Variants in CSTF3 observed in about 807,000 individuals in gnomAD.
The protein encoded by CSTF3 is cleavage stimulation factor subunit 3.
In CSTF3, 29 loss-of-function variants were observed where a neutral mutation model predicts 105.8. The observed-to-expected ratio is 0.27, with a 90% confidence interval of 0.20 to 0.37. The LOEUF is 0.37. Ranked by LOEUF, CSTF3 falls within the 10% of genes least tolerant of loss-of-function variation. The pLI is 1.00. For synonymous variants in CSTF3, 252 were observed against 281.9 expected, an observed-to-expected ratio of 0.89 and a Z score of 1.06; for missense variants, 357 against 879.3, an observed-to-expected ratio of 0.41 and a Z score of 7.51.
chr11:33,128,277 T>C (rs1015101579), intron 3 of CSTF3, among the ~76,000 whole-genome samples: 4 of 152,168 alleles, frequency 2.6e-5, no homozygotes, highest in African/African-American at 9.7e-5. Flanking sequence ...TCAATCGCTA[T>C]GAAGACTATT....
chr11:33,155,505 T>G (rs879390664), intron 1 of CSTF3, among the ~76,000 whole-genome samples: 31 of 152,104 alleles, frequency 2.0e-4, no homozygotes, highest in Non-Finnish European at 3.4e-4. Context: ...AAATATAAAT[T>G]AAAATCTTAA....
chr11:33,125,022 T>G (rs1445512437), intron 3 of CSTF3, among the ~76,000 whole-genome samples: 4 of 152,218 alleles, frequency 2.6e-5, no homozygotes, highest in Non-Finnish European at 5.9e-5. Flanking sequence ...CTGCTTGGGA[T>G]TCAATGAGCA....
chr11:33,148,344 T>C (rs112578681), intron 1 of CSTF3, among the ~76,000 whole-genome samples: 1 of 152,172 alleles, frequency 6.6e-6, no homozygotes, highest in African/African-American at 2.4e-5. Flanking sequence ...GGAATGTACA[T>C]ACTATCAATA....
chr11:33,154,292 CTA>C (rs1044192343), intron 1 of CSTF3, among the ~76,000 whole-genome samples: 1 of 152,116 alleles, frequency 6.6e-6, no homozygotes, highest in African/African-American at 2.4e-5. Context: ...ACCACCTCAT[CTA>C]TCTGTTCCAC....
chr11:33,116,158 A>C (rs1309699958), intron 3 of CSTF3, among the ~76,000 whole-genome samples: 1 of 152,182 alleles, frequency 6.6e-6, no homozygotes, highest in Non-Finnish European at 1.5e-5. Context: ...GTCTAGATTA[A>C]ATTTAGTTTC....
chr11:33,090,052 G>C (rs958635151), intron 17 of CSTF3, among the ~76,000 whole-genome samples: 1 of 152,164 alleles, frequency 6.6e-6, no homozygotes, highest in African/African-American at 2.4e-5. Context: ...ACTGTTTTAA[G>C]AATACAAATC....
intron 1 of CSTF3, among the ~76,000 whole-genome samples, chr11:33,143,611 G>C (rs903811692): frequency 1.3e-5 from 2 of 152,112 alleles, no homozygotes; most frequent in African/African-American, 4.8e-5. Context: ...TTAGCTGGGC[G>C]TGGTGGTGTG....
chr11:33,099,046 T>C lies in CSTF3; in HGVS notation c.1041A>G (p.Ala347=). 2 of 1,569,638 alleles carry C rather than the reference T, an allele frequency of 1.3e-6. No individual in the cohort carries two copies. Among genetic ancestry groups the C allele is most frequent in the Non-Finnish European group, 8.5e-7 (1 of 1,169,886 alleles). ...KKNMLLYFAY[A]DYEESRMKYE... ...CATTTTTACTTACCTCTTCATAATC[T>C]GCATATGCAAAATAAAGAAGCATAT... The change falls in exon 12 of 21, where the codon GCA becomes GCG. Residue 347 remains alanine, a synonymous_variant. Transcript: ENST00000323959. This position sits in a 1 kb window ranked among gnomAD's most constrained non-coding sequence, Gnocchi z 4.1.
intron 3 of CSTF3, 35 bp from the exon 4 acceptor site, chr11:33,108,453 A>G (rs1392217849): frequency 1.4e-6 from 2 of 1,396,980 alleles, no homozygotes; most frequent in African/African-American, 1.5e-5. Flanking sequence ...AATTAATACT[A>G]TTTTTTTAGA....
At chr11:33,146,843 G>C (rs1855789926) in intron 1 of CSTF3, among the ~76,000 whole-genome samples, 1 of 150,228 alleles carries the variant, frequency 6.7e-6, no homozygotes, top group Non-Finnish European at 1.5e-5. Flanking sequence ...TCTTTCAATG[G>C]GTTTACTTCT....
chr11:33,120,992 T>G (rs553309094), intron 3 of CSTF3, among the ~76,000 whole-genome samples: 2 of 152,144 alleles, frequency 1.3e-5, no homozygotes, highest in African/African-American at 4.8e-5. Context: ...GAAGCTCTAA[T>G]ATGGATTTTG....
intron 1 of CSTF3, among the ~76,000 whole-genome samples, chr11:33,147,440 C>A (rs1348307507): frequency 6.9e-6 from 1 of 145,970 alleles, no homozygotes; most frequent in African/African-American, 2.5e-5. Flanking sequence ...ATTAAAAATA[C>A]AAAAATTAGC....
At chr11:33,148,990 C>T (rs1214189629) in intron 1 of CSTF3, among the ~76,000 whole-genome samples, 4 of 151,766 alleles carry the variant, frequency 2.6e-5, no homozygotes, top group Non-Finnish European at 5.9e-5. Context: ...CCGCTCCTTG[C>T]TCCAGAGGTT....
chr11:33,134,070 C>A (rs1212253707), intron 3 of CSTF3, among the ~76,000 whole-genome samples: 1 of 152,098 alleles, frequency 6.6e-6, no homozygotes, highest in Non-Finnish European at 1.5e-5. Flanking sequence ...AATGCAATCT[C>A]CTATAGTTCG....
At chr11:33,125,892 G>A (rs1473941261) in intron 3 of CSTF3, among the ~76,000 whole-genome samples, 1 of 152,122 alleles carries the variant, frequency 6.6e-6, no homozygotes, top group African/African-American at 2.4e-5. Context: ...CTTTGACCTG[G>A]TAATTCCTTA....
chr11:33,122,187 TATTTA>T (rs1855496563), intron 3 of CSTF3, among the ~76,000 whole-genome samples: 1 of 152,216 alleles, frequency 6.6e-6, no homozygotes, highest in South Asian at 2.1e-4. Flanking sequence ...TTCTATAAAG[TATTTA>T]ATTAGCTCAC....
chr11:33,105,809 T>C, intron 7 of CSTF3, 74 bp downstream of exon 7: 1 of 1,516,746 alleles, frequency 6.6e-7, no homozygotes, highest in Non-Finnish European at 9.0e-7. Flanking sequence ...AGTATGGAGA[T>C]TTCTCAAAGA....
chr11:33,096,289 T>C lies in CSTF3; in HGVS notation c.1375+17A>G, dbSNP rs771512405. 2.1e-6 allele frequency: 3 copies of C among 1,427,520 alleles called. No individual in the cohort carries two copies. The highest frequency in any genetic ancestry group is 2.6e-5 in the South Asian group (2 of 78,064). The allele number at this position is 1,427,520 out of a possible 1,614,324, so 88.4% of individuals were successfully genotyped here. A position where few individuals can be genotyped will look rare whatever the true frequency, so the allele number is the denominator to read the frequency against. ...TTTAATATTAAGTAATCATTATAGA[T>C]TCTAGAATCAACCTACCATTGAGGT... On this transcript the variant is annotated intron_variant, in intron 15 of 20. Coordinates refer to ENST00000323959, the MANE Select transcript of CSTF3 (RefSeq NM_001326.3).
intron 3 of CSTF3, among the ~76,000 whole-genome samples, chr11:33,116,064 A>G (rs1855428116): frequency 6.6e-6 from 1 of 152,214 alleles, no homozygotes; most frequent in Admixed American, 6.5e-5. Flanking sequence ...GTCAAAAATG[A>G]GTGTAAATTA....
Sources: allele counts gnomAD v4.1 joint callset (sites outside exome capture counted in the v4.1 genomes callset), GRCh38; gene constraint gnomAD v4.1.1; non-coding constraint Gnocchi (gnomAD v3.1); transcripts MANE v1.5; gene names NCBI Gene and HGNC (gene_info 2026-07-23, HGNC 2026-07-21).